CDK12: variants seen among roughly 807,000 people sequenced by gnomAD.
The protein encoded by CDK12 is cyclin-dependent kinase 12.
In CDK12, 17 loss-of-function variants were observed where a neutral mutation model predicts 133.8. The observed-to-expected ratio is 0.13, with a 90% confidence interval of 0.09 to 0.19. The LOEUF (loss-of-function observed/expected upper bound fraction) is 0.19. Among genes scored for constraint, CDK12 ranks in the 10% least tolerant of loss-of-function variants. The pLI is 1.00. For missense variants in CDK12, 1,508 were observed against 1,818.7 expected, an observed-to-expected ratio of 0.83 and a Z score of 3.11; for synonymous variants, 694 against 683.6, an observed-to-expected ratio of 1.02 and a Z score of -0.24.
At position 39,532,346 on chromosome 17, in the gene CDK12, T is replaced by C; in HGVS notation, c.*1030T>C. On this transcript the variant is annotated 3_prime_UTR_variant, in exon 14 of 14. Transcript: ENST00000447079. ...ACCATGTTCTGATGGGGAAGTTGAT[T>C]TGTAAGTGTGGACAGCTTGGACATT... 1 of 233,308 alleles carries C rather than the reference T, an allele frequency of 4.3e-6. No homozygotes were observed. The highest frequency in any genetic ancestry group is 8.5e-6 in the Non-Finnish European group (1 of 118,010). The allele number at this position is 233,308 out of a possible 1,614,324, so 14.5% of individuals were successfully genotyped here.
chr17:39,562,244 T>C (rs1283098777), intron 3 of CDK12, among the ~76,000 whole-genome samples: 2 of 152,178 alleles, frequency 1.3e-5, no homozygotes, highest in Non-Finnish European at 2.9e-5. Flanking sequence ...AGCTGGGGAC[T>C]ATAAGAATTA....
At chr17:39,548,565 G>A (rs2144126541), upstream of CDK12, among the ~76,000 whole-genome samples, 1 of 152,318 alleles carries the variant, frequency 6.6e-6, no homozygotes, top group Middle Eastern at 3.4e-3. Context: ...GCCTGGGAGA[G>A]TTAGTCTCCC....
At chr17:39,516,880 G>A (rs1342942855) in intron 9 of CDK12, among the ~76,000 whole-genome samples, 2 of 149,522 alleles carry the variant, frequency 1.3e-5, no homozygotes, top group African/African-American at 4.9e-5. Flanking sequence ...AGCCAGGATG[G>A]TCTCGATCTC....
Position 39,461,727 on chromosome 17 carries a change from C to T in CDK12, c.-345C>T, listed in dbSNP as rs1428538353. ...CCCAGAGCTGGAGTCGGCTCCACAG[C>T]CCCGGGCCGTCGGCTTCTCACTTCC... is the stretch of plus-strand genomic sequence containing the variant. On this transcript the variant is annotated 5_prime_UTR_variant, in exon 1 of 14. Transcript: ENST00000447079. 1.7e-5 allele frequency: 6 copies of T among 362,338 alleles called. No homozygotes were observed. Among genetic ancestry groups the T allele is most frequent in the East Asian group, 8.7e-5 (2 of 23,074 alleles). The allele number at this position is 362,338 out of a possible 1,614,324, so 22.4% of individuals were successfully genotyped here.
intron 2 of CDK12, among the ~76,000 whole-genome samples, chr17:39,480,384 G>A (rs899801138): frequency 2.7e-5 from 4 of 150,678 alleles, no homozygotes; most frequent in African/African-American, 7.3e-5. Flanking sequence ...ATTCTCCTGC[G>A]TCACCCTCCC....
At chr17:39,465,696 G>A (rs2049258876) in intron 1 of CDK12, among the ~76,000 whole-genome samples, 1 of 151,852 alleles carries the variant, frequency 6.6e-6, no homozygotes, top group South Asian at 2.1e-4. Flanking sequence ...TTACCATGTT[G>A]GCCAGGTTGG....
chr17:39,552,282 G>A (rs1420265876), intron 2 of CDK12, among the ~76,000 whole-genome samples: 2 of 152,336 alleles, frequency 1.3e-5, no homozygotes, highest in East Asian at 3.9e-4. Context: ...GGGGAGGAAG[G>A]CTGTGCCAAG....
upstream of CDK12, among the ~76,000 whole-genome samples, chr17:39,544,816 G>A (rs2055604546): frequency 6.6e-6 from 1 of 151,900 alleles, no homozygotes; most frequent in Admixed American, 6.6e-5. Flanking sequence ...TTTTAGTAGA[G>A]ATGGGGTTTC....
intron 2 of CDK12, among the ~76,000 whole-genome samples, chr17:39,477,944 G>A (rs559442705): frequency 6.6e-6 from 1 of 151,834 alleles, no homozygotes; most frequent in Non-Finnish European, 1.5e-5. Flanking sequence ...CTGACTTCGG[G>A]GTCTGCCTGC....
chr17:39,466,997 A>T (rs1407248469), intron 1 of CDK12, among the ~76,000 whole-genome samples: 1 of 151,530 alleles, frequency 6.6e-6, no homozygotes, highest in Admixed American at 6.6e-5. Flanking sequence ...TTATTTTTTT[A>T]ATTTGAGACA....
intron 1 of CDK12, among the ~76,000 whole-genome samples, chr17:39,540,799 G>A (rs1243188579): frequency 3.3e-5 from 5 of 152,174 alleles, no homozygotes; most frequent in African/African-American, 4.8e-5. Flanking sequence ...CTTCCCGAAT[G>A]AGCCCATTAG....
intron 11 of CDK12, among the ~76,000 whole-genome samples, chr17:39,524,224 T>G (rs1348478659): frequency 2.0e-5 from 3 of 152,202 alleles, no homozygotes; most frequent in Non-Finnish European, 4.4e-5. Context: ...AAGTTGATTT[T>G]GCACAGAGAT....
rs1212731319 is a variant in CDK12, at chr17:39,517,514, C to T, written c.2921C>T (p.Pro974Leu). Residue 974 changes from proline to leucine, a missense_variant, in exon 10 of 14, where the codon CCG becomes CTG. This residue lies in a region of CDK12 where 82 missense variants were observed against 201.5 expected (regional missense o/e 0.41). Transcript: ENST00000447079. The stretch of plus-strand genomic sequence containing the variant: ...CTGCCCTACTTCAACACCATGAAAC[C>T]GAAGAAGCAATATCGAAGGCGTCTA... The part of the protein sequence containing the change: ...IKLPYFNTMK[P>L]KKQYRRRLRE... The T allele has an allele frequency of 1.2e-5, 19 of 1,612,738 alleles. No individual in the cohort carries two copies. Among genetic ancestry groups the T allele is most frequent in the Non-Finnish European group, 1.5e-5 (18 of 1,178,932 alleles).
intron 2 of CDK12, among the ~76,000 whole-genome samples, chr17:39,482,936 G>A (rs1222300419): frequency 1.4e-5 from 2 of 140,830 alleles, no homozygotes; most frequent in African/African-American, 2.7e-5. Context: ...TTTTTGAAAC[G>A]GAGTCTCACT....
chr17:39,530,578 G>A lies in CDK12; in HGVS notation c.3761-26G>A, dbSNP rs1222592494. ...AATCACATGTGCTTTTTAAGATGGT[G>A]TTTAAAAGAAGTAACCCTTCCACAG... On this transcript the variant is annotated intron_variant, in intron 13 of 13. Transcript: ENST00000447079. The A allele has an allele frequency of 2.6e-6, 4 of 1,536,442 alleles. No homozygotes were observed. In the South Asian group the frequency reaches 5.1e-5, roughly 19 times the overall value.
intron 11 of CDK12, among the ~76,000 whole-genome samples, chr17:39,522,582 C>T (rs771796648): frequency 6.6e-6 from 1 of 151,956 alleles, no homozygotes; most frequent in Non-Finnish European, 1.5e-5. Flanking sequence ...TACAGGAGCC[C>T]GGCACCACAG....
chr17:39,470,616 A>T (rs2049721717), intron 1 of CDK12, among the ~76,000 whole-genome samples: 1 of 152,160 alleles, frequency 6.6e-6, no homozygotes, highest in Non-Finnish European at 1.5e-5. Context: ...ACTGGAGTCC[A>T]TACTTTATTT....
rs760014508 is a variant in CDK12, at chr17:39,531,218, TG to T, written c.4382del (p.Gly1461AlafsTer38). ...GASSSGAGLH[W>X]GGPTQSSAYG... Reference sequence around the variant, plus strand: ...CAGCAGCTCAGGAGCAGGCCTTCACTGGGGGGGCCCAACTCAGTCTTCTGCT... The same window carrying T: ...CAGCAGCTCAGGAGCAGGCCTTCACTGGGGGGCCCAACTCAGTCTTCTGCT... On this transcript the variant is annotated frameshift_variant, in exon 14 of 14. Coordinates refer to ENST00000447079, the MANE Select transcript of CDK12 (RefSeq NM_016507.4). LOFTEE classifies it high-confidence loss of function. The T allele has an allele frequency of 3.3e-6, 5 of 1,515,822 alleles. No homozygotes were observed. Among genetic ancestry groups the T allele is most frequent in the Admixed American group, 2.3e-5 (1 of 43,672 alleles). The allele number at this position is 1,515,822 out of a possible 1,614,324, so 93.9% of individuals were successfully genotyped here.
chr17:39,491,856 C>T (rs563535134), intron 3 of CDK12, among the ~76,000 whole-genome samples: 4 of 150,640 alleles, frequency 2.7e-5, no homozygotes, highest in African/African-American at 9.7e-5. Flanking sequence ...TGGCTGGGCG[C>T]GGTGGCTCAC....
Sources: gnomAD v4.1 joint callset for allele counts (sites outside exome capture counted in the v4.1 genomes callset) on GRCh38, gnomAD v4.1.1 for gene constraint, gnomAD v4.1.1 regional missense constraint, MANE v1.5 for transcripts, NCBI Gene and HGNC (gene_info 2026-07-23, HGNC 2026-07-21) for gene names.